Variants in CMTM8 observed in about 807,000 individuals in gnomAD.
The protein encoded by CMTM8 is CKLF-like MARVEL transmembrane domain-containing protein 8.
Under a neutral mutation model 18.6 loss-of-function variants are expected in CMTM8, and 12 were observed. That is an observed-to-expected ratio of 0.65 (90% confidence interval 0.41 to 1.05). The LOEUF (loss-of-function observed/expected upper bound fraction) is 1.05. Ranked by LOEUF, CMTM8 falls within the 50% of genes least tolerant of loss-of-function variation. The probability of loss-of-function intolerance (pLI) is 0.00; values close to 1 mark genes in which losing one functional copy is unlikely to be tolerated. For missense variants in CMTM8, 217 were observed against 227.2 expected (o/e 0.95, Z 0.29); for synonymous variants, 87 against 90.6 (o/e 0.96, Z 0.23).
chr3:32,355,610 A>G (rs1036034180), intron 1 of CMTM8, among the ~76,000 whole-genome samples: 2 of 151,978 alleles, frequency 1.3e-5, no homozygotes, highest in Admixed American at 6.6e-5. Flanking sequence ...TCCATTCTCT[A>G]CCTGCAGCCA....
Position 32,361,250 on chromosome 3 carries a change from GGATTACAGGTGT to G in CMTM8, c.321+3707_321+3718del, listed in dbSNP as rs559194968. Among the ~76,000 whole-genome samples, 4 of 145,216 alleles carry G rather than the reference GGATTACAGGTGT, an allele frequency of 2.8e-5. 1 individual carries two copies. In the South Asian group the frequency reaches 8.8e-4, roughly 32 times the overall value. On this transcript the variant is annotated intron_variant, in intron 2 of 3. Coordinates refer to ENST00000307526, the MANE Select transcript of CMTM8 (RefSeq NM_178868.5). ...CCCGCCTCGGTCTCCCAAAGTACTG[GGATTACAGGTGT>G]GAGCCACGGCGCCCAGCCTAAGAGT...
chr3:32,261,339 T>C (rs979103522), intron 1 of CMTM8, among the ~76,000 whole-genome samples: 1 of 152,154 alleles, frequency 6.6e-6, no homozygotes, highest in Non-Finnish European at 1.5e-5. Context: ...CCTTTCTATG[T>C]TTATTTAAAC....
intron 1 of CMTM8, among the ~76,000 whole-genome samples, chr3:32,333,049 G>A (rs1239592599): frequency 2.0e-5 from 3 of 152,104 alleles, no homozygotes; most frequent in Non-Finnish European, 4.4e-5. Context: ...ACTGTAAAGG[G>A]CCAGAATAGT....
chr3:32,309,117 A>G (rs919373670), intron 1 of CMTM8, among the ~76,000 whole-genome samples: 1 of 152,064 alleles, frequency 6.6e-6, no homozygotes, highest in Non-Finnish European at 1.5e-5. Context: ...CATGTGTACC[A>G]AGTTGCTCAT....
chr3:32,252,556 T>C (rs1702125787), intron 1 of CMTM8, among the ~76,000 whole-genome samples: 1 of 152,234 alleles, frequency 6.6e-6, no homozygotes, highest in Non-Finnish European at 1.5e-5. Context: ...TGCTGAGTTT[T>C]TTCCAGATGA....
intron 1 of CMTM8, among the ~76,000 whole-genome samples, chr3:32,320,961 C>A (rs1402979301): frequency 6.6e-6 from 1 of 152,158 alleles, no homozygotes; most frequent in East Asian, 1.9e-4. Flanking sequence ...TCTACCCACT[C>A]CCCTCAAACT....
intron 1 of CMTM8, among the ~76,000 whole-genome samples, chr3:32,293,017 C>T (rs1056825754): frequency 2.6e-5 from 4 of 151,532 alleles, no homozygotes; most frequent in Admixed American, 6.6e-5. Flanking sequence ...TCCTGATAGA[C>T]GTCTATCCAT....
chr3:32,361,018 G>C (rs931047456), intron 2 of CMTM8, among the ~76,000 whole-genome samples: 6 of 152,206 alleles, frequency 3.9e-5, no homozygotes, highest in African/African-American at 1.4e-4. Context: ...TTTCACTCTT[G>C]TTGCCCAGGC....
At chr3:32,271,400 A>G (rs6767205) in intron 1 of CMTM8, among the ~76,000 whole-genome samples, 11,172 of 152,298 alleles carry the variant, frequency 0.073, 494 homozygotes, top group African/African-American at 0.12. Context: ...GATTATAGGC[A>G]TCAGCCACCA....
At chr3:32,366,205 C>T (rs1375290798) in intron 2 of CMTM8, among the ~76,000 whole-genome samples, 1 of 152,142 alleles carries the variant, frequency 6.6e-6, no homozygotes, top group African/African-American at 2.4e-5. Context: ...AGGGAGAATG[C>T]CCCTGCCTTC....
chr3:32,346,974 C>T (rs1002415726), intron 1 of CMTM8, among the ~76,000 whole-genome samples: 18 of 151,682 alleles, frequency 1.2e-4, no homozygotes, highest in Non-Finnish European at 2.6e-4. Context: ...GCATGCACCA[C>T]CATGCCTGGC....
chr3:32,307,497 G>A (rs1018322364), intron 1 of CMTM8, among the ~76,000 whole-genome samples: 4 of 152,218 alleles, frequency 2.6e-5, no homozygotes, highest in Admixed American at 6.5e-5. Flanking sequence ...ACAGATCCTC[G>A]GGGAGATGAT....
chr3:32,264,477 G>A (rs563510545), intron 1 of CMTM8, among the ~76,000 whole-genome samples: 58 of 152,242 alleles, frequency 3.8e-4, no homozygotes, highest in African/African-American at 1.3e-3. Flanking sequence ...AAGGAAACCC[G>A]TACCAGCCAC....
intron 1 of CMTM8, among the ~76,000 whole-genome samples, chr3:32,283,029 T>A (rs1429134651): frequency 6.6e-6 from 1 of 152,224 alleles, no homozygotes; most frequent in Non-Finnish European, 1.5e-5. Context: ...GGTCTGATGC[T>A]TCCACTAGAA....
intron 1 of CMTM8, among the ~76,000 whole-genome samples, chr3:32,321,313 G>A (rs769751793): frequency 2.6e-5 from 4 of 152,164 alleles, no homozygotes; most frequent in Non-Finnish European, 5.9e-5. Flanking sequence ...ATGGTGGGAA[G>A]AGGGGCAGGA....
chr3:32,295,477 AAC>A (rs1383353570), intron 1 of CMTM8, among the ~76,000 whole-genome samples: 3 of 98,410 alleles, frequency 3.0e-5, no homozygotes, highest in Admixed American at 1.3e-4. Context: ...AAAAAAAAAA[AAC>A]AAAACAAAAC....
intron 1 of CMTM8, among the ~76,000 whole-genome samples, chr3:32,268,623 G>C (rs1236002755): frequency 1.3e-5 from 2 of 151,250 alleles, no homozygotes; most frequent in African/African-American, 2.4e-5. Context: ...CTGCTTATTT[G>C]GACTTTGAAC....
chr3:32,251,476 G>A (rs1393179511), intron 1 of CMTM8, among the ~76,000 whole-genome samples: 1 of 122,984 alleles, frequency 8.1e-6, no homozygotes, highest in East Asian at 2.5e-4. Flanking sequence ...ACCACACCCC[G>A]CTAATTTTTT....
intron 1 of CMTM8, among the ~76,000 whole-genome samples, chr3:32,284,247 C>T (rs1039499221): frequency 2.6e-5 from 4 of 152,146 alleles, no homozygotes; most frequent in Non-Finnish European, 5.9e-5. Context: ...AGCGAGACTC[C>T]GTCTCAAAAA....
Sources: gnomAD v4.1 joint callset for allele counts (sites outside exome capture counted in the v4.1 genomes callset) on GRCh38, gnomAD v4.1.1 for gene constraint, MANE v1.5 for transcripts, NCBI Gene and HGNC (gene_info 2026-07-23, HGNC 2026-07-21) for gene names.